The following SYAP1 variants were observed in gnomAD, a reference collection of about 807,000 sequenced individuals.
SYAP1 encodes the protein synapse associated protein 1.
A neutral mutation model predicts 29.6 loss-of-function variants in SYAP1; 3 were observed. The observed-to-expected ratio is 0.10, with a 90% CI of 0.05 to 0.26. The LOEUF (loss-of-function observed/expected upper bound fraction) is 0.26. Among genes scored for constraint, SYAP1 ranks in the 10% least tolerant of loss-of-function variants. SYAP1 has a pLI of 1.00. For synonymous variants in SYAP1, 102 were observed against 102.7 expected (o/e 0.99, Z 0.04); for missense variants, 217 against 264.1 (o/e 0.82, Z 1.24).
chrX:16,731,814 C>T (rs1926210095), intron 1 of SYAP1, among the ~76,000 whole-genome samples: 1 of 111,133 alleles, frequency 9.0e-6, no homozygotes, highest in South Asian at 3.7e-4. Context: ...GTGGCAGACA[C>T]CTGTAATCCC....
At chrX:16,738,537 T>C (rs1056617907) in intron 3 of SYAP1, among the ~76,000 whole-genome samples, 1 of 111,801 alleles carries the variant, frequency 8.9e-6, no homozygotes, top group Non-Finnish European at 1.9e-5. Context: ...CTGGGCCTAG[T>C]GGCATGCGCC....
At chrX:16,723,459 G>A (rs1340204743) in intron 1 of SYAP1, among the ~76,000 whole-genome samples, 1 of 111,718 alleles carries the variant, frequency 9.0e-6, no homozygotes, top group Non-Finnish European at 1.9e-5. Flanking sequence ...ATAGACCTGA[G>A]GCTGTGGGGT....
Position 16,757,305 on chromosome X carries a change from G to A in SYAP1, c.927G>A (p.Leu309=), listed in dbSNP as rs1282308265. Residue 309 remains leucine (L), a synonymous_variant, in exon 8 of 9, where the codon CTG becomes CTA. Coordinates refer to ENST00000380155, the MANE Select transcript of SYAP1 (RefSeq NM_032796.4). ...AAAAGCAAGAGGAGACAGCCGTACTGGAAGGTAAAAAACAAAACAAATCAA... is the reference window on the plus strand; with the variant it reads ...AAAAGCAAGAGGAGACAGCCGTACTAGAAGGTAAAAAACAAAACAAATCAA... ...LDKKQEETAV[L]EEDSADWEKE... The A allele has an allele frequency of 8.3e-7, 1 of 1,200,840 alleles. No individual in the cohort carries two copies. The highest frequency in any genetic ancestry group is 1.7e-5 in the African/African-American group (1 of 57,195).
At chrX:16,734,054 CTTG>C (rs1926268663) in intron 1 of SYAP1, among the ~76,000 whole-genome samples, 1 of 110,930 alleles carries the variant, frequency 9.0e-6, no homozygotes. Flanking sequence ...CACTTTTAAT[CTTG>C]TTCTACTTAT....
intron 5 of SYAP1, among the ~76,000 whole-genome samples, chrX:16,750,767 A>ATT (rs35898800): frequency 1.9e-4 from 17 of 90,840 alleles, no homozygotes; most frequent in South Asian, 1.0e-3. Flanking sequence ...GTTCTCACTG[A>ATT]TTTTTTTTTT....
chrX:16,722,934 A>G (rs1015742423), intron 1 of SYAP1, among the ~76,000 whole-genome samples: 49 of 112,572 alleles, frequency 4.4e-4, no homozygotes, highest in Non-Finnish European at 2.2e-4. Context: ...AATAAATAAA[A>G]AGAAAATCTG....
rs1926970678 is a variant in SYAP1, at chrX:16,761,034, T to C, written c.*675T>C. Reference sequence around the variant, plus strand: ...GGAGGTCAGGAGTTCGAGACCAGCCTTGCCAACATAGTGAAACCCTGTCTC... The same window carrying C: ...GGAGGTCAGGAGTTCGAGACCAGCCCTGCCAACATAGTGAAACCCTGTCTC... On this transcript the variant is annotated 3_prime_UTR_variant, in exon 9 of 9. Transcript: ENST00000380155. 9.1e-6 allele frequency: 1 copy of C among 109,818 alleles called. No individual in the cohort carries two copies. The highest frequency in any genetic ancestry group is 1.9e-5 in the Non-Finnish European group (1 of 52,815). 9.1% of individuals were successfully genotyped at this position (109,818 alleles called of 1,213,427 possible). A position where few individuals can be genotyped will look rare whatever the true frequency, so the allele number is the denominator to read the frequency against.
chrX:16,735,164 TA>T, intron 1 of SYAP1, 62 bp from the exon 2 acceptor site: 1 of 763,911 alleles, frequency 1.3e-6, no homozygotes, highest in Non-Finnish European at 1.9e-6. Context: ...TAGATTCTCA[TA>T]AGATCTCTTT....
At chrX:16,748,786 G>A (rs1442672023) in intron 5 of SYAP1, among the ~76,000 whole-genome samples, 2 of 101,701 alleles carry the variant, frequency 2.0e-5, no homozygotes, top group East Asian at 6.1e-4. Flanking sequence ...ACAGAGTCTC[G>A]CTCTGTCACT....
Position 16,760,350 on chromosome X carries a change from G to T in SYAP1, c.1050G>T (p.Glu350Asp), listed in dbSNP as rs1926954233. ...AGGAAATAGAGAAAATGCTTCAAGA[G>T]GAAAATTAGCTGTTCCTGAAATAGA... is the stretch of plus-strand genomic sequence containing the variant. ...WDKEIEKMLQ[E>D]EN Residue 350 changes from glutamate to aspartate, a missense_variant, in exon 9 of 9, where the codon GAG (glutamate) becomes GAT (aspartate). By Grantham distance (45) the Glu-to-Asp change is conservative. Coordinates refer to ENST00000380155, the MANE Select transcript of SYAP1 (RefSeq NM_032796.4). The T allele has an allele frequency of 8.4e-7, 1 of 1,189,596 alleles. No homozygotes were observed. Among genetic ancestry groups the T allele is most frequent in the African/African-American group, 1.8e-5 (1 of 56,131 alleles).
chrX:16,744,409 TA>T (rs1258061308), intron 5 of SYAP1, among the ~76,000 whole-genome samples: 1 of 112,925 alleles, frequency 8.9e-6, no homozygotes, highest in Non-Finnish European at 1.9e-5. Context: ...CAGTCCCTTG[TA>T]TTGAAGCTGT....
At chrX:16,745,436 G>A (rs143518484) in intron 5 of SYAP1, among the ~76,000 whole-genome samples, 1,278 of 111,849 alleles carry the variant, frequency 0.011, 21 homozygotes, top group African/African-American at 0.04. Flanking sequence ...TCTGGTCAAC[G>A]AAGTAGACTA....
chrX:16,728,625 G>A (rs949153117), intron 1 of SYAP1, among the ~76,000 whole-genome samples: 4 of 105,680 alleles, frequency 3.8e-5, no homozygotes, highest in Admixed American at 2.1e-4. Flanking sequence ...AGATCATGCC[G>A]TTGCACCCCA....
At chrX:16,721,514 G>A (rs1259381438) in intron 1 of SYAP1, among the ~76,000 whole-genome samples, 1 of 108,596 alleles carries the variant, frequency 9.2e-6, no homozygotes, top group Non-Finnish European at 1.9e-5. Context: ...CTCAAACCAT[G>A]ACAGTGTATA....
intron 1 of SYAP1, among the ~76,000 whole-genome samples, chrX:16,731,307 T>C: frequency 8.9e-6 from 1 of 112,137 alleles, no homozygotes; most frequent in East Asian, 2.8e-4. Context: ...TATCTAATTA[T>C]TTATTTTAAT....
chrX:16,742,143 GTT>G (rs144175479), intron 4 of SYAP1, among the ~76,000 whole-genome samples: 61 of 41,859 alleles, frequency 1.5e-3, no homozygotes, highest in African/African-American at 7.6e-3. Context: ...TTTTTGTGTG[GTT>G]TTTTTTTTTT....
In SYAP1 at chrX:16,764,084, A is replaced by T. The variant is rs1927042875; in HGVS notation, c.*3725A>T. ...GAGACAGGGTTTCGCCATGTTGGTCAGGCTGGTCTTGAACTCCCAACCTCA... is the reference window on the plus strand; with the variant it reads ...GAGACAGGGTTTCGCCATGTTGGTCTGGCTGGTCTTGAACTCCCAACCTCA... On this transcript the variant is annotated 3_prime_UTR_variant, in exon 9 of 9. Transcript: ENST00000380155. The T allele has an allele frequency of 9.0e-6, 1 of 110,559 alleles. No homozygotes were observed. Among genetic ancestry groups the T allele is most frequent in the African/African-American group, 3.3e-5 (1 of 30,493 alleles). 9.1% of individuals were successfully genotyped at this position (110,559 alleles called of 1,213,427 possible).
intron 5 of SYAP1, among the ~76,000 whole-genome samples, chrX:16,748,446 G>A (rs765043061): frequency 8.9e-6 from 1 of 112,698 alleles, no homozygotes; most frequent in Admixed American, 9.4e-5. Flanking sequence ...CATTAACTAG[G>A]AACACTTTAG....
chrX:16,735,014 A>AC (rs2147421499), intron 1 of SYAP1, among the ~76,000 whole-genome samples: 1 of 105,690 alleles, frequency 9.5e-6, no homozygotes, highest in South Asian at 4.3e-4. Context: ...AAAAAAAAAA[A>AC]AAAAAAAACA....
Sources: allele counts gnomAD v4.1 joint callset (sites outside exome capture counted in the v4.1 genomes callset), GRCh38; gene constraint gnomAD v4.1.1; transcripts MANE v1.5; gene names NCBI Gene and HGNC (gene_info 2026-07-23, HGNC 2026-07-21).